The following EMP2 variants were observed in gnomAD, a reference collection of about 807,000 sequenced individuals.
The protein encoded by EMP2 is epithelial membrane protein 2.
A neutral mutation model predicts 13.7 loss-of-function variants in EMP2; 19 were observed. The ratio of observed to expected loss-of-function variants is 1.38; its 90% CI spans 0.97 to 2.03. The LOEUF (loss-of-function observed/expected upper bound fraction) is 2.03, where lower values mean the gene tolerates loss of function less well. Ranked by LOEUF, EMP2 falls within the 30% of genes most tolerant of loss-of-function variation. The probability of loss-of-function intolerance (pLI) is 0.00; values close to 1 mark genes in which losing one functional copy is unlikely to be tolerated. For missense variants in EMP2, 253 were observed against 220.7 expected (o/e 1.15, Z -0.93); for synonymous variants, 97 against 84.7 (o/e 1.15, Z -0.80).
At chr16:10,536,175 C>T (rs901932393) in intron 4 of EMP2, among the ~76,000 whole-genome samples, 5 of 152,236 alleles carry the variant, frequency 3.3e-5, no homozygotes, top group Admixed American at 1.3e-4. Flanking sequence ...GTGTGACCAA[C>T]CACCCCACTT....
At chr16:10,536,085 C>T (rs1226899157) in intron 4 of EMP2, among the ~76,000 whole-genome samples, 1 of 152,138 alleles carries the variant, frequency 6.6e-6, no homozygotes, top group African/African-American at 2.4e-5. Flanking sequence ...CACTTGAAAA[C>T]ACTCTCATTC....
At chr16:10,552,130 T>C (rs1412140054) in intron 1 of EMP2, among the ~76,000 whole-genome samples, 1 of 152,014 alleles carries the variant, frequency 6.6e-6, no homozygotes, top group African/African-American at 2.4e-5. Context: ...TTTTTTTTTT[T>C]TTTTTAATAG....
intron 1 of EMP2, among the ~76,000 whole-genome samples, chr16:10,573,562 C>T (rs1170679624): frequency 6.6e-6 from 1 of 152,180 alleles, no homozygotes; most frequent in Non-Finnish European, 1.5e-5. Context: ...CATCATCTCT[C>T]CCCATCCTCA....
At chr16:10,543,014 T>G (rs1411388741) in intron 3 of EMP2, among the ~76,000 whole-genome samples, 3 of 152,160 alleles carry the variant, frequency 2.0e-5, no homozygotes, top group African/African-American at 2.4e-5. Flanking sequence ...CCCAGCTAAT[T>G]TTTGTATTTT....
Position 10,529,961 on chromosome 16 carries a change from A to T in EMP2, c.*2944T>A, listed in dbSNP as rs2050585306. ...AAAAAAAAAAAAAAGAAAAAGAAAA[A>T]AGAAAATTATAGAAAAGCCACCAAG... On this transcript the variant is annotated 3_prime_UTR_variant, in exon 5 of 5. Coordinates refer to ENST00000359543, the MANE Select transcript of EMP2 (RefSeq NM_001424.6). 6.6e-6 allele frequency: 1 copy of T among 152,044 alleles called. No homozygotes were observed. Among genetic ancestry groups the T allele is most frequent in the African/African-American group, 2.4e-5 (1 of 41,404 alleles). 9.4% of individuals were successfully genotyped at this position (152,044 alleles called of 1,614,324 possible). A position where few individuals can be genotyped will look rare whatever the true frequency, so the allele number is the denominator to read the frequency against.
At chr16:10,547,441 G>T in intron 2 of EMP2, 99 bp downstream of exon 2, 1 of 1,267,436 alleles carries the variant, frequency 7.9e-7, no homozygotes, top group Non-Finnish European at 1.1e-6. Context: ...CTAGTCTCTG[G>T]TATGCCTTTA....
At chr16:10,566,853 TA>T (rs555979749) in intron 1 of EMP2, among the ~76,000 whole-genome samples, 2 of 151,350 alleles carry the variant, frequency 1.3e-5, no homozygotes, top group South Asian at 2.1e-4. Context: ...CACAGAGAGC[TA>T]AAAAAAAACT....
At chr16:10,540,364 G>T (rs1378000410) in intron 3 of EMP2, among the ~76,000 whole-genome samples, 1 of 152,050 alleles carries the variant, frequency 6.6e-6, no homozygotes, top group Non-Finnish European at 1.5e-5. Context: ...AAATTAGCTG[G>T]GTGTGGTGGC....
intron 1 of EMP2, among the ~76,000 whole-genome samples, chr16:10,566,676 T>C (rs7342734): frequency 0.26 from 39,351 of 152,064 alleles, 5,752 homozygotes; most frequent in East Asian, 0.59. Context: ...AACCACGAAG[T>C]CAGTTCTCCA....
intron 3 of EMP2, 77 bp from the exon 4 acceptor site, chr16:10,538,151 G>T: frequency 6.4e-7 from 1 of 1,553,272 alleles, no homozygotes; most frequent in Non-Finnish European, 8.8e-7. Flanking sequence ...GACCGCAGCA[G>T]CTCCAGAGTA....
At chr16:10,540,482 G>A (rs918752450) in intron 3 of EMP2, among the ~76,000 whole-genome samples, 35 of 138,668 alleles carry the variant, frequency 2.5e-4, no homozygotes, top group Non-Finnish European at 4.3e-4. Context: ...CTCCAGCCTG[G>A]GTGACAGAGC....
intron 1 of EMP2, among the ~76,000 whole-genome samples, chr16:10,579,964 C>A (rs1188143116): frequency 6.6e-6 from 1 of 152,220 alleles, no homozygotes; most frequent in Non-Finnish European, 1.5e-5. Flanking sequence ...GCGGTCTCGC[C>A]TCTTTAAAGC....
At chr16:10,566,350 T>C (rs77980218) in intron 1 of EMP2, among the ~76,000 whole-genome samples, 2,042 of 152,264 alleles carry the variant, frequency 0.013, 46 homozygotes, top group African/African-American at 0.047. Flanking sequence ...CCCCTGCCCC[T>C]AAAGTTCACA....
intron 3 of EMP2, among the ~76,000 whole-genome samples, chr16:10,540,797 G>A (rs550692380): frequency 6.6e-6 from 1 of 152,298 alleles, no homozygotes; most frequent in South Asian, 2.1e-4. Flanking sequence ...AACACTCATG[G>A]GAGGGATGTG....
intron 2 of EMP2, chr16:10,545,402 G>C (rs1283952590): frequency 6.6e-6 from 1 of 152,210 alleles, no homozygotes; most frequent in Admixed American, 6.5e-5. Flanking sequence ...CACGCAGCAG[G>C]AGGTGAGCAG....
chr16:10,578,427 C>G (rs1046339860), intron 1 of EMP2, among the ~76,000 whole-genome samples: 1 of 152,164 alleles, frequency 6.6e-6, no homozygotes, highest in Non-Finnish European at 1.5e-5. Flanking sequence ...GGTGGAGAAG[C>G]GGGGGCGGTT....
Position 10,531,523 on chromosome 16 carries a change from T to G in EMP2, c.*1382A>C. 1 of 151,228 alleles carries G rather than the reference T, an allele frequency of 6.6e-6. No homozygotes were observed. The highest frequency in any genetic ancestry group is 1.5e-5 in the Non-Finnish European group (1 of 67,832). 9.4% of individuals were successfully genotyped at this position (151,228 alleles called of 1,614,324 possible). The stretch of plus-strand genomic sequence containing the variant: ...TTTTTGTATTTTTAGTAGAGACAGG[T>G]TTTACCATTTTGGCCAGGCTGGTCT... On this transcript the variant is annotated 3_prime_UTR_variant, in exon 5 of 5. Coordinates refer to ENST00000359543, the MANE Select transcript of EMP2 (RefSeq NM_001424.6).
chr16:10,553,428 C>T (rs2050803744), intron 1 of EMP2, among the ~76,000 whole-genome samples: 1 of 152,220 alleles, frequency 6.6e-6, no homozygotes, highest in Admixed American at 6.5e-5. Context: ...CGCCACTGTC[C>T]GCTTTCTGGA....
At chr16:10,573,830 T>C (rs143728438) in intron 1 of EMP2, among the ~76,000 whole-genome samples, 13 of 152,224 alleles carry the variant, frequency 8.5e-5, no homozygotes, top group African/African-American at 2.4e-4. Context: ...TTTATGTTTA[T>C]ATGAATAATA....
Sources: allele counts gnomAD v4.1 joint callset (sites outside exome capture counted in the v4.1 genomes callset), GRCh38; gene constraint gnomAD v4.1.1; transcripts MANE v1.5; gene names NCBI Gene and HGNC (gene_info 2026-07-23, HGNC 2026-07-21).